GRM8: variants seen among roughly 807,000 people sequenced by gnomAD.
GRM8 encodes the protein metabotropic glutamate receptor 8.
A neutral mutation model predicts 87.2 loss-of-function variants in GRM8; 47 were observed. The observed-to-expected ratio is 0.54, with a 90% CI of 0.43 to 0.69. GRM8 has a LOEUF of 0.69. GRM8 is among the 30% of genes least tolerant of loss of function. GRM8 has a pLI of 0.00. For synonymous variants in GRM8, 396 were observed against 404.5 expected (o/e 0.98, Z 0.25); for missense variants, 1,019 against 1,139.2 (o/e 0.89, Z 1.52).
Position 126,653,099 on chromosome 7 carries a change from C to T in GRM8, c.1358-43601G>A, listed in dbSNP as rs190080726. Among the ~76,000 whole-genome samples, 111 of 151,988 alleles carry T rather than the reference C, an allele frequency of 7.3e-4. 1 individual carries two copies. The highest frequency in any genetic ancestry group is 1.5e-3 in the Non-Finnish European group (101 of 67,958). On this transcript the variant is annotated intron_variant, in intron 7 of 10. Coordinates refer to ENST00000339582, the MANE Select transcript of GRM8 (RefSeq NM_000845.3). ...GAGAATCAAAAGAGTTCAAAAATGG[C>T]CAAAACCAGCCAGGCAAGATAGTGA...
At position 126,739,975 on chromosome 7, in the gene GRM8, T is replaced by C. The variant is rs773713928; in HGVS notation, c.1357+29890A>G. 5.7e-4 allele frequency among the ~76,000 whole-genome samples: 86 copies of C among 152,062 alleles called. 1 individual carries two copies. Among genetic ancestry groups the C allele is most frequent in the Non-Finnish European group, 1.8e-4 (12 of 67,982 alleles). The stretch of plus-strand genomic sequence containing the variant: ...ACTATACCATCTAGGTTTGTATAAA[T>C]ACTTCTATGATGTTTGCACAGTGAC... On this transcript the variant is annotated intron_variant, in intron 7 of 10. Coordinates refer to ENST00000339582, the MANE Select transcript of GRM8 (RefSeq NM_000845.3).
chr7:127,096,973 C>T (rs966773786), intron 3 of GRM8, among the ~76,000 whole-genome samples: 2 of 152,128 alleles, frequency 1.3e-5, no homozygotes, highest in Admixed American at 6.5e-5. Context: ...CTGAGCAAAC[C>T]TTACCCCCAG....
chr7:126,943,925 C>T (rs1807246583), intron 3 of GRM8, among the ~76,000 whole-genome samples: 1 of 152,248 alleles, frequency 6.6e-6, no homozygotes, highest in African/African-American at 2.4e-5. Flanking sequence ...GGACTCGTTT[C>T]ACCCACGTGC....
chr7:127,066,851 G>A (rs1025324290), intron 3 of GRM8, among the ~76,000 whole-genome samples: 3 of 152,120 alleles, frequency 2.0e-5, no homozygotes, highest in African/African-American at 4.8e-5. Context: ...TCGATTAGAT[G>A]AATCATTTAG....
intron 3 of GRM8, among the ~76,000 whole-genome samples, chr7:126,985,312 C>T (rs542433522): frequency 1.3e-5 from 2 of 152,176 alleles, no homozygotes; most frequent in Non-Finnish European, 2.9e-5. Context: ...TTAAAATCAG[C>T]TCAACCTCAA....
intron 3 of GRM8, among the ~76,000 whole-genome samples, chr7:126,996,489 C>A (rs750513888): frequency 1.3e-5 from 2 of 151,866 alleles, no homozygotes; most frequent in Non-Finnish European, 2.9e-5. Flanking sequence ...ACTCTGTAAT[C>A]AAAAAGCATA....
At chr7:126,547,986 C>T (rs1052695980) in intron 8 of GRM8, among the ~76,000 whole-genome samples, 2 of 151,708 alleles carry the variant, frequency 1.3e-5, no homozygotes, top group Non-Finnish European at 2.9e-5. Flanking sequence ...AGGAGATACG[C>T]CACAAAAAAG....
At position 126,558,604 on chromosome 7, in the gene GRM8, C is replaced by T. The variant is rs549217064; in HGVS notation, c.1495-24717G>A. 3.9e-5 allele frequency among the ~76,000 whole-genome samples: 6 copies of T among 152,246 alleles called. No individual in the cohort carries two copies. The East Asian group carries it at 1.2e-3, about 29-fold the overall frequency. On this transcript the variant is annotated intron_variant, in intron 8 of 10. Coordinates refer to ENST00000339582, the MANE Select transcript of GRM8 (RefSeq NM_000845.3). ...CTTGAAATCATCTCTAGGTTAATTA[C>T]AATGCCTCATACAATGTAAATTCTA...
chr7:127,215,441 G>A (rs931094889), intron 2 of GRM8, among the ~76,000 whole-genome samples: 4 of 151,884 alleles, frequency 2.6e-5, no homozygotes, highest in East Asian at 3.9e-4. Flanking sequence ...AATCAGTTCC[G>A]TTGACCTTGT....
chr7:126,738,050 G>C (rs1296009659), intron 7 of GRM8, among the ~76,000 whole-genome samples: 1 of 152,056 alleles, frequency 6.6e-6, no homozygotes, highest in African/African-American at 2.4e-5. Context: ...AAACAGAAGA[G>C]AGAATTATTC....
chr7:126,789,235 CA>C (rs200697092), intron 6 of GRM8, among the ~76,000 whole-genome samples: 6 of 148,108 alleles, frequency 4.1e-5, no homozygotes, highest in South Asian at 2.2e-4. Flanking sequence ...AAAGACTAAC[CA>C]AAAAAAAACA....
rs1798746634 is a variant in GRM8, at chr7:127,249,461, G to A, written c.-312+3336C>T. Among the ~76,000 whole-genome samples the A allele has an allele frequency of 2.6e-5, 4 of 152,162 alleles. No homozygotes were observed. In the South Asian group the frequency reaches 8.3e-4, roughly 31 times the overall value. ...TCACCATTAATAATGGTTAAGGCTAGCAATGCAACAAGCCAGAGCAGAGAG... is the reference window on the plus strand; with the variant it reads ...TCACCATTAATAATGGTTAAGGCTAACAATGCAACAAGCCAGAGCAGAGAG... On this transcript the variant is annotated intron_variant, in intron 1 of 10. Transcript: ENST00000339582.
intron 7 of GRM8, among the ~76,000 whole-genome samples, chr7:126,643,784 AC>A: frequency 6.6e-6 from 1 of 152,348 alleles, no homozygotes; most frequent in Admixed American, 6.5e-5. Context: ...TGCCAACAAA[AC>A]CTGGTATTCT....
chr7:127,029,169 G>A (rs1229770085), intron 3 of GRM8, among the ~76,000 whole-genome samples: 1 of 152,136 alleles, frequency 6.6e-6, no homozygotes, highest in Non-Finnish European at 1.5e-5. Context: ...TTAATCCTGA[G>A]TTCTAATTTG....
chr7:126,956,386 CACCAGTT>C (rs757922832), intron 3 of GRM8, among the ~76,000 whole-genome samples: 1 of 152,162 alleles, frequency 6.6e-6, no homozygotes, highest in Non-Finnish European at 1.5e-5. Flanking sequence ...AAGCCTATCT[CACCAGTT>C]TTGTTTGATT....
rs145501616 is a variant in GRM8, at chr7:126,714,825, T to C, written c.1357+55040A>G. ...ACACATATTTTATATGATATATATGTGTATATATATATATAAACACACTCT... is the reference window on the plus strand; with the variant it reads ...ACACATATTTTATATGATATATATGCGTATATATATATATAAACACACTCT... On this transcript the variant is annotated intron_variant, in intron 7 of 10. Coordinates refer to ENST00000339582, the MANE Select transcript of GRM8 (RefSeq NM_000845.3). 2.3e-3 allele frequency among the ~76,000 whole-genome samples: 351 copies of C among 152,118 alleles called. 1 individual carries two copies. The highest frequency in any genetic ancestry group is 8.0e-3 in the African/African-American group (332 of 41,526).
intron 6 of GRM8, among the ~76,000 whole-genome samples, chr7:126,789,620 G>A (rs983472847): frequency 1.3e-5 from 2 of 152,122 alleles, no homozygotes; most frequent in Non-Finnish European, 1.5e-5. Context: ...TCAGCAACAG[G>A]AGAAAGTAGC....
chr7:127,204,685 A>G (rs1361957), intron 2 of GRM8, among the ~76,000 whole-genome samples: 95,955 of 151,948 alleles, frequency 0.63, 31,537 homozygotes, highest in African/African-American at 0.79. Flanking sequence ...TAACATATCA[A>G]GTAAAATAAA....
chr7:127,101,618 AG>A (rs1334897250), intron 3 of GRM8, among the ~76,000 whole-genome samples: 3 of 152,284 alleles, frequency 2.0e-5, no homozygotes, highest in African/African-American at 7.2e-5. Flanking sequence ...AAGCCTCAAA[AG>A]GCCTCCCCAG....
Sources: allele counts gnomAD v4.1 joint callset (sites outside exome capture counted in the v4.1 genomes callset), GRCh38; gene constraint gnomAD v4.1.1; transcripts MANE v1.5; gene names NCBI Gene and HGNC (gene_info 2026-07-23, HGNC 2026-07-21).